The following CDK8 variants were observed in gnomAD, a reference collection of about 807,000 sequenced individuals.
The protein encoded by CDK8 is cyclin-dependent kinase 8.
A neutral mutation model predicts 71.5 loss-of-function variants in CDK8; 29 were observed. The observed-to-expected ratio is 0.41, with a 90% CI of 0.30 to 0.55. The LOEUF (loss-of-function observed/expected upper bound fraction) is 0.55. CDK8 is among the 20% of genes least tolerant of loss of function. CDK8 has a pLI of 0.37. For missense variants in CDK8, 288 were observed against 572.6 expected, an observed-to-expected ratio of 0.50 and a Z score of 5.07; for synonymous variants, 161 against 192.1, an observed-to-expected ratio of 0.84 and a Z score of 1.34.
chr13:26,336,832 G>A (rs1873013332), intron 1 of CDK8, among the ~76,000 whole-genome samples: 1 of 152,082 alleles, frequency 6.6e-6, no homozygotes, highest in African/African-American at 2.4e-5. Flanking sequence ...GGGATTACAG[G>A]CGTGAGCCAC....
intron 2 of CDK8, among the ~76,000 whole-genome samples, chr13:26,347,561 G>A (rs553095243): frequency 2.6e-5 from 4 of 152,252 alleles, no homozygotes; most frequent in Admixed American, 2.0e-4. Context: ...TCTAGACTAT[G>A]TAAAGAACTC....
At chr13:26,264,238 C>T (rs1871921358) in intron 1 of CDK8, among the ~76,000 whole-genome samples, 1 of 151,730 alleles carries the variant, frequency 6.6e-6, no homozygotes, top group Non-Finnish European at 1.5e-5. Context: ...TTTGGCATTT[C>T]ATTATGGTTT....
chr13:26,335,096 C>A (rs1168893651), intron 1 of CDK8, among the ~76,000 whole-genome samples: 2 of 152,146 alleles, frequency 1.3e-5, no homozygotes, highest in African/African-American at 2.4e-5. Flanking sequence ...CAAGTCTCTT[C>A]CATCTTAAGA....
intron 1 of CDK8, among the ~76,000 whole-genome samples, chr13:26,271,131 C>G (rs1245260415): frequency 6.6e-6 from 1 of 152,122 alleles, no homozygotes; most frequent in Non-Finnish European, 1.5e-5. Flanking sequence ...AAAATATATT[C>G]AAATGCTTTG....
intron 9 of CDK8, among the ~76,000 whole-genome samples, chr13:26,399,219 A>G (rs1476689474): frequency 6.6e-6 from 1 of 152,086 alleles, no homozygotes; most frequent in Admixed American, 6.5e-5. Flanking sequence ...CATGTTGACC[A>G]GGCTGGTCTC....
chr13:26,354,059 A>G (rs1466124418), intron 4 of CDK8, among the ~76,000 whole-genome samples, 179 bp downstream of exon 4: 1 of 152,210 alleles, frequency 6.6e-6, no homozygotes. Flanking sequence ...TGCTTCTCTG[A>G]CATACACTAG....
At chr13:26,388,069 T>C (rs992243975) in intron 6 of CDK8, among the ~76,000 whole-genome samples, 1 of 152,218 alleles carries the variant, frequency 6.6e-6, no homozygotes, top group Non-Finnish European at 1.5e-5. Flanking sequence ...TGTATGACTT[T>C]GCTGTCAATT....
chr13:26,280,737 T>A (rs1238901677), intron 1 of CDK8, among the ~76,000 whole-genome samples: 1 of 152,212 alleles, frequency 6.6e-6, no homozygotes, highest in African/African-American at 2.4e-5. Context: ...ACAGCTTTCT[T>A]CCTCCTTCTC....
intron 1 of CDK8, among the ~76,000 whole-genome samples, chr13:26,267,478 G>C (rs1872073774): frequency 2.0e-5 from 3 of 152,238 alleles, no homozygotes; most frequent in Admixed American, 2.0e-4. Flanking sequence ...GTGGCTCCTT[G>C]TGTATCTGCA....
intron 4 of CDK8, among the ~76,000 whole-genome samples, chr13:26,362,325 G>A (rs1365359612): frequency 6.6e-6 from 1 of 152,106 alleles, no homozygotes; most frequent in African/African-American, 2.4e-5. Flanking sequence ...AATTATGGAG[G>A]CTGAGAAGTC....
At chr13:26,298,003 G>A (rs1015483286) in intron 1 of CDK8, among the ~76,000 whole-genome samples, 1 of 151,956 alleles carries the variant, frequency 6.6e-6, no homozygotes, top group Non-Finnish European at 1.5e-5. Flanking sequence ...ATATCCCATT[G>A]CCCCTATTAA....
intron 2 of CDK8, among the ~76,000 whole-genome samples, chr13:26,346,195 G>A (rs1873455208): frequency 1.3e-5 from 2 of 152,146 alleles, no homozygotes; most frequent in South Asian, 4.1e-4. Context: ...TTGTAAAATA[G>A]GGGTTATATA....
chr13:26,384,307 T>C (rs977074615), intron 5 of CDK8, among the ~76,000 whole-genome samples: 1 of 150,764 alleles, frequency 6.6e-6, no homozygotes, highest in Non-Finnish European at 1.5e-5. Flanking sequence ...TTAAAAAATG[T>C]GTATTAGGAA....
At chr13:26,339,753 A>AT (rs71694023) in intron 2 of CDK8, among the ~76,000 whole-genome samples, 58,337 of 123,920 alleles carry the variant, frequency 0.47, 13,277 homozygotes, top group Middle Eastern at 0.58. Context: ...TACTTAAAAA[A>AT]AAAATATATA....
At chr13:26,268,485 A>G (rs1872144372) in intron 1 of CDK8, among the ~76,000 whole-genome samples, 1 of 151,792 alleles carries the variant, frequency 6.6e-6, no homozygotes, top group African/African-American at 2.4e-5. Context: ...CTGGCTAATT[A>G]TTGTATTTTT....
At chr13:26,400,162 G>T in intron 9 of CDK8, 1 of 275,056 alleles carries the variant, frequency 3.6e-6, no homozygotes, top group Non-Finnish European at 6.8e-6. Flanking sequence ...CACAAATTTT[G>T]GTCCTGTTCT....
At chr13:26,354,613 C>T (rs562865882) in intron 4 of CDK8, among the ~76,000 whole-genome samples, 15 of 152,150 alleles carry the variant, frequency 9.9e-5, no homozygotes, top group Non-Finnish European at 1.8e-4. Context: ...GCATTAGATT[C>T]TCATAGGAGC....
intron 9 of CDK8, chr13:26,400,097 G>T: frequency 4.3e-6 from 1 of 231,756 alleles, no homozygotes; most frequent in Non-Finnish European, 8.5e-6. Context: ...ATGTGTTAGT[G>T]TATTATATGT....
intron 1 of CDK8, among the ~76,000 whole-genome samples, chr13:26,304,231 T>A (rs926994469): frequency 2.7e-5 from 4 of 150,348 alleles, no homozygotes; most frequent in Non-Finnish European, 5.9e-5. Context: ...GCCGCTACAC[T>A]CCAGCCTGAG....
Sources: gnomAD v4.1 joint callset for allele counts (sites outside exome capture counted in the v4.1 genomes callset) on GRCh38, gnomAD v4.1.1 for gene constraint, MANE v1.5 for transcripts, NCBI Gene and HGNC (gene_info 2026-07-23, HGNC 2026-07-21) for gene names.